Variants in MORN4 observed in about 807,000 individuals in gnomAD.
MORN4 encodes the protein MORN repeat containing 4, also known as MORN repeat-containing protein 4.
In MORN4, 8 loss-of-function variants were observed where a neutral mutation model predicts 16.4. The ratio of observed to expected loss-of-function variants is 0.49; its 90% confidence interval spans 0.29 to 0.88. The LOEUF (loss-of-function observed/expected upper bound fraction) is 0.88, where lower values mean the gene tolerates loss of function less well. MORN4 is among the 40% of genes least tolerant of loss of function. The pLI is 0.09. For synonymous variants in MORN4, 53 were observed against 68.9 expected (o/e 0.77, Z 1.14); for missense variants, 159 against 182.9 (o/e 0.87, Z 0.75).
chr10:97,616,820 GA>G, intron 3 of MORN4, 33 bp from the exon 4 acceptor site: 1 of 1,467,356 alleles, frequency 6.8e-7, no homozygotes, highest in Non-Finnish European at 9.6e-7. Context: ...GCCTTCAGTG[GA>G]AAGTTAGCTG....
intron 2 of MORN4, 73 bp downstream of exon 2, chr10:97,619,514 T>G (rs1483993832): frequency 9.3e-7 from 1 of 1,074,276 alleles, no homozygotes; most frequent in African/African-American, 1.5e-5. Flanking sequence ...TAAAGTTGGC[T>G]ATATATCCTG....
intron 1 of MORN4, among the ~76,000 whole-genome samples, chr10:97,625,260 G>A (rs1035474028): frequency 3.9e-5 from 6 of 152,208 alleles, no homozygotes; most frequent in Admixed American, 2.0e-4. Context: ...ATATGGTGGT[G>A]TTGTAGACTC....
At chr10:97,622,711 C>A (rs987423970) in intron 1 of MORN4, among the ~76,000 whole-genome samples, 45 of 123,334 alleles carry the variant, frequency 3.6e-4, no homozygotes, top group African/African-American at 1.4e-3. Flanking sequence ...AAAAAAAAAA[C>A]GGAAGAAGAA....
At chr10:97,623,880 T>C (rs1041664255) in intron 1 of MORN4, among the ~76,000 whole-genome samples, 9 of 151,894 alleles carry the variant, frequency 5.9e-5, no homozygotes, top group Non-Finnish European at 8.8e-5. Context: ...GGACTACAGG[T>C]GCCCACCACG....
intron 1 of MORN4, among the ~76,000 whole-genome samples, chr10:97,627,198 C>T (rs1023785979): frequency 6.6e-6 from 1 of 151,996 alleles, no homozygotes; most frequent in Non-Finnish European, 1.5e-5. Context: ...GGTGGAAGTG[C>T]AGTGGCTCGA....
chr10:97,621,874 A>T (rs2041297873), intron 1 of MORN4, among the ~76,000 whole-genome samples: 1 of 151,910 alleles, frequency 6.6e-6, no homozygotes. Flanking sequence ...AAAAAAAAAA[A>T]GAGGCAGAGT....
At chr10:97,628,182 C>T (rs1165972633) in intron 1 of MORN4, among the ~76,000 whole-genome samples, 2 of 152,200 alleles carry the variant, frequency 1.3e-5, no homozygotes, top group Non-Finnish European at 2.9e-5. Context: ...TATAATTAAA[C>T]AACCATTCCA....
rs747725886 is a variant in MORN4 at position 97,633,427 on chromosome 10, G to A, written c.-111C>T. The A allele has an allele frequency of 7.8e-6, 10 of 1,289,780 alleles. No homozygotes were observed. Among genetic ancestry groups the A allele is most frequent in the Middle Eastern group, 2.1e-4 (1 of 4,696 alleles). The allele number at this position is 1,289,780 out of a possible 1,614,324, so 79.9% of individuals were successfully genotyped here. Reference sequence around the variant, plus strand: ...CGGACTTTTCCTCTGATGGGCTCCCGGCTGCCACCTTGCTCTCCGCCACCT... The same window carrying A: ...CGGACTTTTCCTCTGATGGGCTCCCAGCTGCCACCTTGCTCTCCGCCACCT... On this transcript the variant is annotated 5_prime_UTR_variant, in exon 1 of 5. Transcript: ENST00000307450. This position sits in a 1 kb window ranked among gnomAD's most constrained non-coding sequence, Gnocchi z 4.5.
intron 1 of MORN4, among the ~76,000 whole-genome samples, chr10:97,624,648 C>T (rs959922527): frequency 1.3e-5 from 2 of 152,176 alleles, no homozygotes; most frequent in African/African-American, 4.8e-5. Context: ...GAACTCCTGG[C>T]CTCAAGTGAT....
Position 97,616,190 on chromosome 10 carries a change from A to G in MORN4, c.*73T>C. ...TGTCAACTCATCTCAGCTCTGATTC[A>G]TTTGTTCACCTCGAATCAACAACAG... On this transcript the variant is annotated 3_prime_UTR_variant, in exon 5 of 5. Coordinates refer to ENST00000307450, the MANE Select transcript of MORN4 (RefSeq NM_178832.4). 1.4e-6 allele frequency: 2 copies of G among 1,424,254 alleles called. No homozygotes were observed. The highest frequency in any genetic ancestry group is 1.9e-6 in the Non-Finnish European group (2 of 1,068,434). The allele number at this position is 1,424,254 out of a possible 1,614,324, so 88.2% of individuals were successfully genotyped here. A position where few individuals can be genotyped will look rare whatever the true frequency, so the allele number is the denominator to read the frequency against.
In MORN4 at chr10:97,616,234, A is replaced by G. The variant is rs1363517775; in HGVS notation, c.*29T>C. On this transcript the variant is annotated 3_prime_UTR_variant, in exon 5 of 5. Transcript: ENST00000307450. ...ACAACAGGGGCACTGGCTTTACCCAATACTTATCAGCTGGTGCCCACTGCG... is the reference window on the plus strand; with the variant it reads ...ACAACAGGGGCACTGGCTTTACCCAGTACTTATCAGCTGGTGCCCACTGCG... The G allele has an allele frequency of 1.9e-6, 3 of 1,542,614 alleles. No homozygotes were observed. The highest frequency in any genetic ancestry group is 2.1e-5 in the Admixed American group (1 of 48,632).
At position 97,616,846 on chromosome 10, in the gene MORN4, G is replaced by T; in HGVS notation, c.183-59C>A. Reference sequence around the variant, plus strand: ...AAAGTTAGCTGTCCAGATGAACGGAGTCGAGCAGCTGCTGATCTCTGTTAT... The same window carrying T: ...AAAGTTAGCTGTCCAGATGAACGGATTCGAGCAGCTGCTGATCTCTGTTAT... On this transcript the variant is annotated intron_variant, in intron 3 of 4. Transcript: ENST00000307450. The T allele has an allele frequency of 8.5e-6, 10 of 1,181,268 alleles. No individual in the cohort carries two copies. The South Asian group carries it at 8.5e-5, about 10-fold the overall frequency. The allele number at this position is 1,181,268 out of a possible 1,614,324, so 73.2% of individuals were successfully genotyped here. A position where few individuals can be genotyped will look rare whatever the true frequency, so the allele number is the denominator to read the frequency against.
intron 2 of MORN4, among the ~76,000 whole-genome samples, chr10:97,619,233 G>A (rs1444473403): frequency 1.3e-5 from 2 of 152,182 alleles, no homozygotes; most frequent in Non-Finnish European, 2.9e-5. Flanking sequence ...GCTGAGGCAC[G>A]AGAATCGCTT....
chr10:97,629,744 G>A (rs886324381), intron 1 of MORN4, among the ~76,000 whole-genome samples: 3 of 151,806 alleles, frequency 2.0e-5, no homozygotes, highest in African/African-American at 7.3e-5. Context: ...CATCATATGG[G>A]TGTTTTTTTT....
intron 1 of MORN4, among the ~76,000 whole-genome samples, chr10:97,632,718 T>TA (rs2041407670): frequency 1.3e-5 from 2 of 150,726 alleles, no homozygotes; most frequent in South Asian, 4.2e-4. Flanking sequence ...TTTTTTTTTT[T>TA]ATTTAAAGGC....
intron 1 of MORN4, among the ~76,000 whole-genome samples, chr10:97,629,746 G>GT (rs944627954): frequency 9.7e-4 from 143 of 148,006 alleles, no homozygotes; most frequent in Admixed American, 1.1e-3. Flanking sequence ...TCATATGGGT[G>GT]TTTTTTTTTT....
chr10:97,631,740 G>A lies in MORN4; in HGVS notation c.-31+1607C>T, dbSNP rs549914829. 1.5e-4 allele frequency among the ~76,000 whole-genome samples: 23 copies of A among 152,114 alleles called. No individual in the cohort carries two copies. In the East Asian group the frequency reaches 4.3e-3, roughly 28 times the overall value. ...CTTGAGCCCAGGAGTTCAATACCAAGCTGGGAAACGTAGTGAGACCTCATC... is the reference window on the plus strand; with the variant it reads ...CTTGAGCCCAGGAGTTCAATACCAAACTGGGAAACGTAGTGAGACCTCATC... On this transcript the variant is annotated intron_variant, in intron 1 of 4. Coordinates refer to ENST00000307450, the MANE Select transcript of MORN4 (RefSeq NM_178832.4).
At chr10:97,626,094 A>C (rs2041343891) in intron 1 of MORN4, among the ~76,000 whole-genome samples, 1 of 150,558 alleles carries the variant, frequency 6.6e-6, no homozygotes, top group Non-Finnish European at 1.5e-5. Context: ...TAAAGAGAAC[A>C]AGCGGGCTGG....
At chr10:97,624,991 C>T (rs932859788) in intron 1 of MORN4, among the ~76,000 whole-genome samples, 4 of 152,202 alleles carry the variant, frequency 2.6e-5, no homozygotes, top group Non-Finnish European at 5.9e-5. Context: ...CCGCACACGG[C>T]ATGAGCATCA....
Sources: gnomAD v4.1 joint callset for allele counts (sites outside exome capture counted in the v4.1 genomes callset) on GRCh38, gnomAD v4.1.1 for gene constraint, Gnocchi (gnomAD v3.1) non-coding constraint, MANE v1.5 for transcripts, NCBI Gene and HGNC (gene_info 2026-07-23, HGNC 2026-07-21) for gene names.